CHD5: variants seen among roughly 807,000 people sequenced by gnomAD.
CHD5 encodes ATP-dependent chromatin remodeler CHD5.
CHD5 carries 69 observed loss-of-function variants against 230.3 expected under a neutral mutation model. The ratio of observed to expected loss-of-function variants is 0.30; its 90% CI spans 0.25 to 0.37. CHD5 has a LOEUF of 0.37. Ranked by LOEUF, CHD5 falls within the 10% of genes least tolerant of loss-of-function variation. CHD5 has a pLI of 1.00. For missense variants in CHD5, 1,827 were observed against 2,622.8 expected, an observed-to-expected ratio of 0.70 and a Z score of 6.63; for synonymous variants, 1,064 against 1,065.9, an observed-to-expected ratio of 1.00 and a Z score of 0.03.
rs1666551521 is a variant in CHD5 at position 6,126,063 on chromosome 1, C to T, written c.4079-205G>A. 6.6e-6 allele frequency among the ~76,000 whole-genome samples: 1 copy of T among 152,178 alleles called. No homozygotes were observed. The highest frequency in any genetic ancestry group is 2.4e-5 in the African/African-American group (1 of 41,422). The stretch of plus-strand genomic sequence containing the variant: ...ACTAAGGGTACCATGTGTACCCACA[C>T]ATTACACATACTGTGTGCAAGGGAC... On this transcript the variant is annotated intron_variant, in intron 26 of 41. Coordinates refer to ENST00000262450, the MANE Select transcript of CHD5 (RefSeq NM_015557.3). This position sits in a 1 kb window ranked among gnomAD's most constrained non-coding sequence, Gnocchi z 5.7.
rs781074074 is a variant in CHD5, at chr1:6,136,882, C to T, written c.2437-17G>A. On this transcript the variant is annotated splice_polypyrimidine_tract_variant and intron_variant, in intron 15 of 41. Transcript: ENST00000262450. The stretch of plus-strand genomic sequence containing the variant: ...CACTTCTTTCTGGAGAAAAGAGGGG[C>T]ATTGGGGATGAGACGGCTGGGAGCA... 3.1e-6 allele frequency: 5 copies of T among 1,597,940 alleles called. No homozygotes were observed. Among genetic ancestry groups the T allele is most frequent in the South Asian group, 2.2e-5 (2 of 89,046 alleles).
At chr1:6,170,458 G>A (rs1028867173) in intron 1 of CHD5, among the ~76,000 whole-genome samples, 2 of 152,142 alleles carry the variant, frequency 1.3e-5, no homozygotes, top group Non-Finnish European at 2.9e-5. Context: ...CTGAGCGGAC[G>A]CCCCTCCCAC....
intron 33 of CHD5, chr1:6,113,259 C>CA (rs1666321788): frequency 2.2e-6 from 1 of 459,958 alleles, no homozygotes; most frequent in Non-Finnish European, 4.0e-6. Flanking sequence ...CTCATCTCTA[C>CA]AAAAAATACA....
At chr1:6,118,429 T>C (rs538771654) in intron 33 of CHD5, among the ~76,000 whole-genome samples, 1 of 134,906 alleles carries the variant, frequency 7.4e-6, no homozygotes, top group Non-Finnish European at 1.6e-5. Context: ...TTCCACAACA[T>C]AGATGAACTT....
At position 6,142,801 on chromosome 1, in the gene CHD5, G is replaced by A. The variant is rs916817845; in HGVS notation, c.2044-196C>T. 1.6e-4 allele frequency among the ~76,000 whole-genome samples: 25 copies of A among 152,302 alleles called. No homozygotes were observed. Among genetic ancestry groups the A allele is most frequent in the African/African-American group, 6.0e-4 (25 of 41,570 alleles). ...CTCCCTGACTCCCAGCCTGGCTGAA[G>A]TGCTCCCACAGTGTCCTCCCATGGC... is the stretch of plus-strand genomic sequence containing the variant. On this transcript the variant is annotated intron_variant, in intron 13 of 41. Coordinates refer to ENST00000262450, the MANE Select transcript of CHD5 (RefSeq NM_015557.3). The surrounding 1 kb of genome is among the most constrained non-coding windows in gnomAD (Gnocchi z 5.2).
At chr1:6,177,064 C>A (rs531158517) in intron 1 of CHD5, among the ~76,000 whole-genome samples, 1 of 152,344 alleles carries the variant, frequency 6.6e-6, no homozygotes, top group South Asian at 2.1e-4. Flanking sequence ...TGAGAGTGAG[C>A]AACTCCCAGG....
intron 11 of CHD5, among the ~76,000 whole-genome samples, chr1:6,145,167 C>T (rs1666891657): frequency 6.6e-6 from 1 of 152,180 alleles, no homozygotes; most frequent in Non-Finnish European, 1.5e-5. Context: ...CCGCGACCCT[C>T]GTACTGAAGA....
chr1:6,166,875 T>A (rs1326625282), intron 2 of CHD5, among the ~76,000 whole-genome samples: 1 of 152,108 alleles, frequency 6.6e-6, no homozygotes, highest in African/African-American at 2.4e-5. Context: ...TCTCACCTTG[T>A]TCACGGGACA....
At position 6,149,328 on chromosome 1, in the gene CHD5, G is replaced by T; in HGVS notation, c.1079C>A (p.Thr360Asn). ...QQGGEIILCD[T>N]CPRAYHLVCL... ...TACGAGATGGTAGGCCCTCGGGCAGGTGTCGCACAGGATGATCTCCCCACC... is the reference window on the plus strand; with the variant it reads ...TACGAGATGGTAGGCCCTCGGGCAGTTGTCGCACAGGATGATCTCCCCACC... The change falls in exon 8 of 42, where the codon ACC becomes AAC. Residue 360 changes from threonine (T) to asparagine (N), a missense_variant. Around this residue, in one of 14 missense-constraint regions of CHD5, gnomAD observed 657 missense variants for 816.4 expected, o/e 0.80. Coordinates refer to ENST00000262450, the MANE Select transcript of CHD5 (RefSeq NM_015557.3). 1 of 1,613,272 alleles carries T rather than the reference G, an allele frequency of 6.2e-7. No individual in the cohort carries two copies. The highest frequency in any genetic ancestry group is 8.5e-7 in the Non-Finnish European group (1 of 1,179,808).
intron 33 of CHD5, chr1:6,113,276 T>G: frequency 9.6e-6 from 4 of 418,382 alleles, no homozygotes; most frequent in East Asian, 5.5e-5. Flanking sequence ...TACAACAACT[T>G]AGCTGGGCTT....
chr1:6,145,467 C>G (rs912959948), intron 11 of CHD5, among the ~76,000 whole-genome samples: 116 of 152,372 alleles, frequency 7.6e-4, no homozygotes, highest in Non-Finnish European at 3.8e-4. Flanking sequence ...CAAGGCCCAT[C>G]TGTCAGCCAC....
chr1:6,110,637 T>A, intron 36 of CHD5, 111 bp from the exon 37 acceptor site: 1 of 1,162,608 alleles, frequency 8.6e-7, no homozygotes, highest in South Asian at 1.4e-5. Context: ...ATTCTGGCTG[T>A]ACGCTCTCAG....
chr1:6,108,732 T>G (rs1225761325), intron 38 of CHD5, among the ~76,000 whole-genome samples: 3 of 114,406 alleles, frequency 2.6e-5, no homozygotes, highest in Non-Finnish European at 3.6e-5. Context: ...GAAGGAGGGA[T>G]GATGGAGAGA....
intron 25 of CHD5, chr1:6,127,176 C>T (rs1239159157): frequency 1.1e-5 from 2 of 181,068 alleles, no homozygotes; most frequent in African/African-American, 4.8e-5. Context: ...TGGGGTTTGC[C>T]CGGTAGAGAA....
chr1:6,150,431 AGGATGGATGGATGGATGGAT>A (rs74209532), intron 7 of CHD5, among the ~76,000 whole-genome samples: 2 of 131,900 alleles, frequency 1.5e-5, no homozygotes, highest in African/African-American at 5.9e-5. Context: ...GATGGATGAT[AGGATGGATGGATGGATGGAT>A]GGATGGATGG....
At chr1:6,179,457 T>A (rs1434162953) in intron 1 of CHD5, among the ~76,000 whole-genome samples, 3 of 151,984 alleles carry the variant, frequency 2.0e-5, no homozygotes, top group Non-Finnish European at 4.4e-5. Flanking sequence ...GCACCGCCGG[T>A]CCTCGCCCCT....
intron 5 of CHD5, among the ~76,000 whole-genome samples, chr1:6,152,801 C>T (rs779530676): frequency 1.1e-4 from 16 of 152,214 alleles, no homozygotes; most frequent in Non-Finnish European, 1.6e-4. Flanking sequence ...AGAAATGTGG[C>T]CCTTTTGGGA....
intron 31 of CHD5, 23 bp downstream of exon 31, chr1:6,123,925 C>T (rs1465742477): frequency 7.0e-7 from 1 of 1,425,092 alleles, no homozygotes. Flanking sequence ...CAGTGCCCTC[C>T]CCGGCCCGCC....
In CHD5 at chr1:6,152,301, G is replaced by C. The variant is rs1667018945; in HGVS notation, c.870+111C>G. On this transcript the variant is annotated intron_variant, in intron 6 of 41. Transcript: ENST00000262450. Reference sequence around the variant, plus strand: ...GGAGAATAGTGGAGGGGTGCGACCTGCCCCAGCTAGTTTGTAATGAACTGA... The same window carrying C: ...GGAGAATAGTGGAGGGGTGCGACCTCCCCCAGCTAGTTTGTAATGAACTGA... The C allele has an allele frequency of 1.6e-5, 20 of 1,277,870 alleles. No homozygotes were observed. In the South Asian group the frequency reaches 2.5e-4, roughly 16 times the overall value. 79.2% of individuals were successfully genotyped at this position (1,277,870 alleles called of 1,614,324 possible). A position where few individuals can be genotyped will look rare whatever the true frequency, so the allele number is the denominator to read the frequency against.
Sources: gnomAD v4.1 joint callset for allele counts (sites outside exome capture counted in the v4.1 genomes callset) on GRCh38, gnomAD v4.1.1 for gene constraint, gnomAD v4.1.1 regional missense constraint, Gnocchi (gnomAD v3.1) non-coding constraint, MANE v1.5 for transcripts, NCBI Gene and HGNC (gene_info 2026-07-23, HGNC 2026-07-21) for gene names.